The following WNK3 variants were observed in gnomAD, a reference collection of about 807,000 sequenced individuals.
WNK3 encodes the protein WNK lysine deficient protein kinase 3.
Under a neutral mutation model 116.7 loss-of-function variants are expected in WNK3, and 18 were observed. The observed-to-expected ratio is 0.15, with a 90% CI of 0.11 to 0.23. The LOEUF is 0.23. WNK3 is among the 10% of genes least tolerant of loss of function. The probability of loss-of-function intolerance (pLI) is 1.00; values close to 1 mark genes in which losing one functional copy is unlikely to be tolerated. For missense variants in WNK3, 993 were observed against 1,323.8 expected (o/e 0.75, Z 3.88); for synonymous variants, 404 against 469.4 (o/e 0.86, Z 1.80).
intron 20 of WNK3, among the ~76,000 whole-genome samples, 165 bp downstream of exon 20, chrX:54,236,773 T>A (rs1388502750): frequency 1.8e-5 from 2 of 111,945 alleles, no homozygotes; most frequent in African/African-American, 6.5e-5. Flanking sequence ...ATGAAAACAT[T>A]TTATATATAA....
At chrX:54,298,247 G>C (rs2068719975) in exon 7 of WNK3, 1 of 1,208,129 alleles carries the variant, frequency 8.3e-7, no homozygotes, top group Non-Finnish European at 1.1e-6. Context: ...CATTGTCTTT[G>C]TGTTTGCCTT....
chrX:54,345,271 CAACTATATATA>C (rs1167435205), intron 1 of WNK3, among the ~76,000 whole-genome samples: 2 of 82,736 alleles, frequency 2.4e-5, no homozygotes, highest in Admixed American at 2.5e-4. Context: ...ACAACAACAA[CAACTATATATA>C]TATGTATGTA....
intron 10 of WNK3, among the ~76,000 whole-genome samples, chrX:54,281,686 T>C (rs782058284): frequency 8.9e-6 from 1 of 111,856 alleles, no homozygotes; most frequent in African/African-American, 3.2e-5. Context: ...TATCTTTCTG[T>C]ATCTGGCTTC....
chrX:54,214,084 C>T (rs1279878738), intron 22 of WNK3, among the ~76,000 whole-genome samples: 9 of 111,552 alleles, frequency 8.1e-5, no homozygotes, highest in African/African-American at 2.6e-4. Context: ...TCAAGCACTT[C>T]TCCTGTCTCA....
chrX:54,284,873 G>A (rs1204848966), intron 10 of WNK3, among the ~76,000 whole-genome samples: 1 of 110,116 alleles, frequency 9.1e-6, no homozygotes, highest in Non-Finnish European at 1.9e-5. Context: ...GGGAGGCTGA[G>A]GCAGGAGAAT....
At chrX:54,238,076 A>G (rs1161843488) in intron 19 of WNK3, among the ~76,000 whole-genome samples, 1 of 110,471 alleles carries the variant, frequency 9.1e-6, no homozygotes, top group East Asian at 2.8e-4. Context: ...TACTAAAAAT[A>G]CAAAAAATTA....
chrX:54,337,557 C>CAAATAAAGAAAT (rs2069256935), intron 1 of WNK3, among the ~76,000 whole-genome samples: 1 of 73,883 alleles, frequency 1.4e-5, no homozygotes, highest in African/African-American at 5.2e-5. Flanking sequence ...AGACTAGTCT[C>CAAATAAAGAAAT]AAATAAATAA....
At chrX:54,321,177 G>A (rs1190881360) in intron 2 of WNK3, among the ~76,000 whole-genome samples, 1 of 111,984 alleles carries the variant, frequency 8.9e-6, no homozygotes, top group Non-Finnish European at 1.9e-5. Context: ...GATTACAGGC[G>A]TGAGCTACCG....
chrX:54,320,760 T>C (rs1298893573), intron 2 of WNK3, among the ~76,000 whole-genome samples: 1 of 110,694 alleles, frequency 9.0e-6, no homozygotes, highest in Non-Finnish European at 1.9e-5. Context: ...CTTGAATTCC[T>C]ATCCTCAAGC....
chrX:54,323,886 G>A (rs782159897), intron 2 of WNK3, among the ~76,000 whole-genome samples: 1 of 111,972 alleles, frequency 8.9e-6, no homozygotes, highest in South Asian at 3.7e-4. Flanking sequence ...TGAACAAATG[G>A]CAGCTATAGT....
In WNK3 at chrX:54,205,773, C is replaced by G. The variant is rs782167453; in HGVS notation, c.4871-3580G>C. ...ATTCATATCATAATATAAAAGACCACTTAATTCAAAGCTCACAAGCCAGAA... is the reference window on the plus strand; with the variant it reads ...ATTCATATCATAATATAAAAGACCAGTTAATTCAAAGCTCACAAGCCAGAA... On this transcript the variant is annotated intron_variant, in intron 22 of 23. Coordinates refer to ENST00000354646, the Ensembl canonical transcript of WNK3. 1.1e-4 allele frequency among the ~76,000 whole-genome samples: 12 copies of G among 112,451 alleles called. No homozygotes were observed. The South Asian group carries it at 3.0e-3, about 28-fold the overall frequency.
At chrX:54,342,347 C>A (rs782612816) in intron 1 of WNK3, among the ~76,000 whole-genome samples, 1 of 110,540 alleles carries the variant, frequency 9.0e-6, no homozygotes, top group African/African-American at 3.3e-5. Flanking sequence ...TGGGCAATCA[C>A]CTGTGGTCAG....
chrX:54,260,083 T>A (rs782008430), intron 10 of WNK3, among the ~76,000 whole-genome samples: 3 of 111,519 alleles, frequency 2.7e-5, no homozygotes, highest in Non-Finnish European at 5.6e-5. Flanking sequence ...TAGCCTTATC[T>A]CTCTGTTTGA....
chrX:54,355,659 T>C (rs1246259083), intron 1 of WNK3, among the ~76,000 whole-genome samples: 2 of 111,070 alleles, frequency 1.8e-5, no homozygotes, highest in Non-Finnish European at 1.9e-5. Flanking sequence ...ATAAATCTGT[T>C]TATGTTATTC....
At chrX:54,329,377 G>C (rs1557173900) in intron 2 of WNK3, among the ~76,000 whole-genome samples, 1 of 111,757 alleles carries the variant, frequency 8.9e-6, no homozygotes, top group Admixed American at 9.5e-5. Context: ...GGTGGCTCAC[G>C]CCTGTACTCC....
intron 10 of WNK3, among the ~76,000 whole-genome samples, chrX:54,268,665 A>G (rs1171166252): frequency 1.8e-5 from 2 of 111,385 alleles, no homozygotes; most frequent in Non-Finnish European, 3.8e-5. Context: ...GGAAAATGTC[A>G]AAAGGACACA....
At chrX:54,271,105 T>C (rs907731265) in intron 10 of WNK3, among the ~76,000 whole-genome samples, 1 of 111,477 alleles carries the variant, frequency 9.0e-6, no homozygotes, top group African/African-American at 3.3e-5. Flanking sequence ...TGTGAGGAAA[T>C]AAAAGATCCA....
At chrX:54,254,027 T>C in exon 13 of WNK3, 1 of 1,209,704 alleles carries the variant, frequency 8.3e-7, no homozygotes, top group Non-Finnish European at 1.1e-6. Context: ...ATCTTGTTGT[T>C]GTGTGTCTCC....
At chrX:54,308,684 C>T (rs1364327456) in intron 4 of WNK3, among the ~76,000 whole-genome samples, 1 of 111,868 alleles carries the variant, frequency 8.9e-6, no homozygotes, top group Non-Finnish European at 1.9e-5. Flanking sequence ...CTCTTACTTA[C>T]ATCCTTAGAA....
Sources: allele counts gnomAD v4.1 joint callset (sites outside exome capture counted in the v4.1 genomes callset), GRCh38; gene constraint gnomAD v4.1.1; transcripts MANE v1.5; gene names NCBI Gene and HGNC (gene_info 2026-07-23, HGNC 2026-07-21).